Variants in MSLN observed in about 807,000 individuals in gnomAD.
MSLN encodes mesothelin, also known as CAK1 antigen.
In MSLN, 82 loss-of-function variants were observed where a neutral mutation model predicts 72.6. That is an observed-to-expected ratio of 1.13 (90% CI 0.94 to 1.36). MSLN has a LOEUF of 1.36. Ranked by LOEUF, MSLN falls within the 40% of genes most tolerant of loss-of-function variation. MSLN has a pLI of 0.00. For synonymous variants in MSLN, 456 were observed against 387.3 expected, an observed-to-expected ratio of 1.18 and a Z score of -2.08; for missense variants, 1,005 against 847.9, an observed-to-expected ratio of 1.19 and a Z score of -2.30.
intron 3 of MSLN, 79 bp from the exon 4 acceptor site, chr16:763,154 C>T: frequency 1.0e-6 from 1 of 971,622 alleles, no homozygotes; most frequent in Non-Finnish European, 1.6e-6. Context: ...CGGCCAGGCT[C>T]TGCCTCCTTC....
chr16:768,847 A>T lies in MSLN; in HGVS notation c.*114A>T. The T allele has an allele frequency of 1.0e-6, 1 of 997,354 alleles. No homozygotes were observed. The highest frequency in any genetic ancestry group is 1.5e-6 in the Non-Finnish European group (1 of 656,638). The allele number at this position is 997,354 out of a possible 1,614,324, so 61.8% of individuals were successfully genotyped here. A position where few individuals can be genotyped will look rare whatever the true frequency, so the allele number is the denominator to read the frequency against. The stretch of plus-strand genomic sequence containing the variant: ...GAACTCGCGCTCAGTAAACGGGAAC[A>T]TGCCCCCTGCAGACACGTCTTGTGG... On this transcript the variant is annotated 3_prime_UTR_variant, in exon 18 of 18. Coordinates refer to ENST00000545450, the MANE Select transcript of MSLN (RefSeq NM_005823.6).
rs553268981 is a variant in MSLN, at chr16:763,518, A to C, written c.130-124A>C. 77 of 1,025,200 alleles carry C rather than the reference A, an allele frequency of 7.5e-5. No individual in the cohort carries two copies. In the African/African-American group the frequency reaches 1.1e-3, roughly 15 times the overall value. The allele number at this position is 1,025,200 out of a possible 1,614,324, so 63.5% of individuals were successfully genotyped here. On this transcript the variant is annotated intron_variant, in intron 4 of 17. Coordinates refer to ENST00000545450, the MANE Select transcript of MSLN (RefSeq NM_005823.6). Reference sequence around the variant, plus strand: ...AGAAGCAGCCAAGCCCATGGGTCTGAGACACAGCCAGGCCTGGGAAGTAGC... The same window carrying C: ...AGAAGCAGCCAAGCCCATGGGTCTGCGACACAGCCAGGCCTGGGAAGTAGC...
Position 764,091 on chromosome 16 carries a change from G to A in MSLN, c.248G>A (p.Arg83Gln), listed in dbSNP as rs200912532. The A allele has an allele frequency of 1.9e-4, 305 of 1,606,574 alleles. 1 individual carries two copies. The highest frequency in any genetic ancestry group is 3.6e-4 in the South Asian group (33 of 91,074). ...TCCGGCCTGAGCACGGAGCGTGTCCGGGAGCTGGCTGTGGCCTTGGCACAG... is the reference window on the plus strand; with the variant it reads ...TCCGGCCTGAGCACGGAGCGTGTCCAGGAGCTGGCTGTGGCCTTGGCACAG... ...EVSGLSTERV[R>Q]ELAVALAQKN... Residue 83 changes from arginine (R) to glutamine (Q), a missense_variant, in exon 6 of 18, where the codon CGG (arginine) becomes CAG (glutamine). By Grantham distance (43) the Arg-to-Gln change is conservative. Coordinates refer to ENST00000545450, the MANE Select transcript of MSLN (RefSeq NM_005823.6).
At chr16:762,906 C>T (rs967821463) in intron 3 of MSLN, 141 bp downstream of exon 3, 1 of 675,434 alleles carries the variant, frequency 1.5e-6, no homozygotes, top group Non-Finnish European at 2.5e-6. Flanking sequence ...TCTCTGCCCC[C>T]AGAGGTGACT....
chr16:764,289 C>G (rs539909449), intron 6 of MSLN, 146 bp downstream of exon 6: 2 of 1,222,202 alleles, frequency 1.6e-6, no homozygotes, highest in South Asian at 1.5e-5. Flanking sequence ...GTTCCTCTGG[C>G]CACCCAAGCT....
intron 11 of MSLN, 80 bp from the exon 12 acceptor site, chr16:765,979 G>T: frequency 6.9e-7 from 1 of 1,458,008 alleles, no homozygotes; most frequent in Middle Eastern, 2.2e-4. Flanking sequence ...ATGGCCCGAG[G>T]TCTCATCTCA....
intron 2 of MSLN, among the ~76,000 whole-genome samples, chr16:762,343 A>C (rs552396912): frequency 6.6e-6 from 1 of 152,340 alleles, no homozygotes; most frequent in South Asian, 2.1e-4. Context: ...AGGCCAGCCC[A>C]AGTGGGCGGC....
Position 765,133 on chromosome 16 carries a change from C to G in MSLN, c.534C>G (p.Ser178Arg). The change falls in exon 9 of 18, where the codon AGC (serine) becomes AGG (arginine). Residue 178 changes from serine to arginine, a missense_variant. Coordinates refer to ENST00000545450, the MANE Select transcript of MSLN (RefSeq NM_005823.6). ...AGGGTGTGCGGGGGTCTCTGCTGAG[C>G]GAGGCTGATGTGCGGGCTCTGGGAG... ...ACWGVRGSLL[S>R]EADVRALGGL... The G allele has an allele frequency of 6.2e-7, 1 of 1,603,764 alleles. No individual in the cohort carries two copies.
In MSLN at chr16:768,657, C is replaced by G. The variant is rs143023160; in HGVS notation, c.1793C>G (p.Ser598Trp). 2 of 1,611,074 alleles carry G rather than the reference C, an allele frequency of 1.2e-6. No homozygotes were observed. The highest frequency in any genetic ancestry group is 1.7e-6 in the Non-Finnish European group (2 of 1,179,518). ...ACCCCTCTCTCTGTAGAGGCCCTCT[C>G]GGGGACGCCCTGCCTCCTAGGACCT... ...VLDLSMQEAL[S>W]GTPCLLGPGP... Residue 598 changes from serine (S) to tryptophan (W), a missense_variant, in exon 18 of 18, where the codon TCG becomes TGG. Physicochemically the swap from Ser to Trp is radical, Grantham distance 177. Transcript: ENST00000545450.
chr16:765,926 C>A, intron 11 of MSLN, 133 bp from the exon 12 acceptor site: 2 of 1,318,482 alleles, frequency 1.5e-6, no homozygotes, highest in Non-Finnish European at 2.1e-6. Context: ...GGACAGAATC[C>A]CTGTTTGCCA....
chr16:763,286 C>A lies in MSLN; in HGVS notation c.129+10C>A. The A allele has an allele frequency of 6.5e-7, 1 of 1,541,294 alleles. No homozygotes were observed. Among genetic ancestry groups the A allele is most frequent in the Non-Finnish European group, 8.7e-7 (1 of 1,144,180 alleles). On this transcript the variant is annotated intron_variant, in intron 4 of 17. Transcript: ENST00000545450. ...TGGAGAGACAGGGCAGGTAAGGTCC[C>A]CTCTGGGGAAACAGGGGAGGGTCTT...
At chr16:766,004 G>A in intron 11 of MSLN, 55 bp from the exon 12 acceptor site, 1 of 1,522,594 alleles carries the variant, frequency 6.6e-7, no homozygotes. Flanking sequence ...AGGTGTGGGA[G>A]GAAGAAGGGG....
chr16:768,294 G>A lies in MSLN; in HGVS notation c.1597-85G>A, dbSNP rs554670464. On this transcript the variant is annotated intron_variant, in intron 16 of 17. Coordinates refer to ENST00000545450, the MANE Select transcript of MSLN (RefSeq NM_005823.6). ...GCGGTGGGCATCTGTGGGTGGGGCA[G>A]TTTGGACACAGGAGAGCCTGGCAGC... 4.6e-5 allele frequency: 64 copies of A among 1,397,470 alleles called. No individual in the cohort carries two copies. In the African/African-American group the frequency reaches 8.3e-4, roughly 18 times the overall value. The allele number at this position is 1,397,470 out of a possible 1,614,324, so 86.6% of individuals were successfully genotyped here.
chr16:767,966 G>C (rs1431646103), intron 16 of MSLN, among the ~76,000 whole-genome samples: 1 of 35,076 alleles, frequency 2.9e-5, no homozygotes, highest in Admixed American at 2.2e-4. Context: ...GCGTGGAGGG[G>C]GCCGTGTGGG....
intron 4 of MSLN, 114 bp downstream of exon 4, chr16:763,390 T>C: frequency 2.0e-6 from 2 of 1,004,568 alleles, no homozygotes; most frequent in Non-Finnish European, 3.0e-6. Context: ...CGGTCCTTGC[T>C]TGCAAAGGGG....
rs373288687 is a variant in MSLN, at chr16:762,770, G to A, written c.85+5G>A. 51 of 1,571,146 alleles carry A rather than the reference G, an allele frequency of 3.2e-5. No homozygotes were observed. Among genetic ancestry groups the A allele is most frequent in the South Asian group, 3.6e-5 (3 of 83,894 alleles). ...TGTTCCTGCTCTTCAGCCTCGGTGC[G>A]TACTTGATGGGGCTGCTGGTGAGGT... On this transcript the variant is annotated splice_donor_5th_base_variant and intron_variant, in intron 3 of 17. Coordinates refer to ENST00000545450, the MANE Select transcript of MSLN (RefSeq NM_005823.6).
rs2041584085 is a variant in MSLN, at chr16:764,893, C to T, written c.381-14C>T. ...TGATCAGTGCGGCCTGTCCCCAGCA[C>T]CCTCTCTTCACAGCCCAGATGCGTT... On this transcript the variant is annotated splice_polypyrimidine_tract_variant and intron_variant, in intron 7 of 17. Transcript: ENST00000545450. 6.2e-7 allele frequency: 1 copy of T among 1,609,894 alleles called. No individual in the cohort carries two copies. Among genetic ancestry groups the T allele is most frequent in the Non-Finnish European group, 8.5e-7 (1 of 1,178,748 alleles).
At chr16:762,886 T>C (rs2041554265) in intron 3 of MSLN, 121 bp downstream of exon 3, 2 of 761,118 alleles carry the variant, frequency 2.6e-6, no homozygotes, top group African/African-American at 3.6e-5. Flanking sequence ...TGGCCACGTC[T>C]CAGCAGCAGT....
At position 768,703 on chromosome 16, in the gene MSLN, GGCACT is replaced by G. The variant is rs2041677749; in HGVS notation, c.1842_1846del (p.Leu615ProfsTer?). ...GACCTGGACCTGTTCTCACCGTCCT[GGCACT>G]GCTCCTAGCCTCCACCCTGGCCTGA... On this transcript the variant is annotated frameshift_variant, in exon 18 of 18. Coordinates refer to ENST00000545450, the MANE Select transcript of MSLN (RefSeq NM_005823.6). LOFTEE classifies it high-confidence loss of function. The G allele has an allele frequency of 3.7e-6, 6 of 1,610,898 alleles. No individual in the cohort carries two copies. Among genetic ancestry groups the G allele is most frequent in the Non-Finnish European group, 8.5e-7 (1 of 1,179,542 alleles).
Sources: gnomAD v4.1 joint callset for allele counts (sites outside exome capture counted in the v4.1 genomes callset) on GRCh38, gnomAD v4.1.1 for gene constraint, MANE v1.5 for transcripts, NCBI Gene and HGNC (gene_info 2026-07-23, HGNC 2026-07-21) for gene names.